Variants in PPA2 observed in about 807,000 individuals in gnomAD.
PPA2 encodes inorganic pyrophosphatase 2, mitochondrial.
PPA2 carries 48 observed loss-of-function variants against 49.5 expected under a neutral mutation model. The observed-to-expected ratio is 0.97, with a 90% CI of 0.77 to 1.23. The LOEUF is 1.23. Among genes scored for constraint, PPA2 ranks in the 50% most tolerant of loss-of-function variants. The pLI, the probability that PPA2 is intolerant of heterozygous loss-of-function variation, is 0.00. For missense variants in PPA2, 429 were observed against 410.1 expected (o/e 1.05, Z -0.40); for synonymous variants, 131 against 139.9 (o/e 0.94, Z 0.45).
intron 7 of PPA2, 150 bp downstream of exon 7, chr4:105,424,046 T>C: frequency 1.3e-6 from 1 of 784,376 alleles, no homozygotes; most frequent in Non-Finnish European, 1.9e-6. Flanking sequence ...ATGTACTTTC[T>C]TCATTTAAAA....
At chr4:105,453,296 T>C (rs1194846905) in intron 3 of PPA2, among the ~76,000 whole-genome samples, 1 of 152,114 alleles carries the variant, frequency 6.6e-6, no homozygotes, top group Admixed American at 6.5e-5. Flanking sequence ...CTTGGGATGG[T>C]GAAAAAGTTC....
intron 7 of PPA2, among the ~76,000 whole-genome samples, chr4:105,420,946 A>G (rs1378482534): frequency 6.6e-6 from 1 of 152,226 alleles, no homozygotes; most frequent in Non-Finnish European, 1.5e-5. Flanking sequence ...TTCAACCATG[A>G]AGCAAAATAG....
At chr4:105,437,316 G>A (rs1169097094) in intron 6 of PPA2, among the ~76,000 whole-genome samples, 2 of 152,130 alleles carry the variant, frequency 1.3e-5, no homozygotes, top group Non-Finnish European at 2.9e-5. Flanking sequence ...AAAGGGAGAA[G>A]AGTTGAATGT....
chr4:105,452,415 C>T (rs1722710577), intron 3 of PPA2, among the ~76,000 whole-genome samples: 1 of 152,130 alleles, frequency 6.6e-6, no homozygotes, highest in Non-Finnish European at 1.5e-5. Context: ...GTTTAGGATG[C>T]ACCTAGAATA....
At position 105,404,852 on chromosome 4, in the gene PPA2, C is replaced by T. The variant is rs775477225; in HGVS notation, c.656-5688G>A. ...ATCCCAGCACTTTGGGAGGCCGAGG[C>T]GGGCAGATCACCAGGTCAGGAGATC... On this transcript the variant is annotated intron_variant, in intron 7 of 11. Coordinates refer to ENST00000341695, the MANE Select transcript of PPA2 (RefSeq NM_176869.3). 9.2e-5 allele frequency among the ~76,000 whole-genome samples: 14 copies of T among 152,154 alleles called. No homozygotes were observed. The South Asian group carries it at 1.0e-3, about 11-fold the overall frequency.
At chr4:105,386,270 A>G (rs540107397) in intron 10 of PPA2, among the ~76,000 whole-genome samples, 1 of 152,310 alleles carries the variant, frequency 6.6e-6, no homozygotes, top group Non-Finnish European at 1.5e-5. Context: ...ACAACAGTAC[A>G]GAGGAGAGCA....
intron 7 of PPA2, among the ~76,000 whole-genome samples, chr4:105,420,905 T>A (rs537708506): frequency 6.6e-6 from 1 of 152,212 alleles, no homozygotes; most frequent in African/African-American, 2.4e-5. Flanking sequence ...ATAACAATAC[T>A]GTAAATGCTA....
chr4:105,432,959 T>A (rs560726173), intron 6 of PPA2, among the ~76,000 whole-genome samples: 18 of 152,296 alleles, frequency 1.2e-4, no homozygotes, highest in African/African-American at 4.3e-4. Flanking sequence ...TTATGTAAAA[T>A]TTGAAAATAA....
At chr4:105,409,401 T>G (rs1293652046) in intron 7 of PPA2, among the ~76,000 whole-genome samples, 8 of 152,152 alleles carry the variant, frequency 5.3e-5, no homozygotes. Context: ...GCCTGGAAGC[T>G]CAAACTGGGT....
Position 105,369,407 on chromosome 4 carries a change from T to C in PPA2, c.*318A>G. Reference sequence around the variant, plus strand: ...GCCTGGCTAATTTTTGTATTTTTAATAGAGATGGGGTTTCAACATACTGGC... The same window carrying C: ...GCCTGGCTAATTTTTGTATTTTTAACAGAGATGGGGTTTCAACATACTGGC... On this transcript the variant is annotated 3_prime_UTR_variant, in exon 12 of 12. Coordinates refer to ENST00000341695, the MANE Select transcript of PPA2 (RefSeq NM_176869.3). 1 of 226,304 alleles carries C rather than the reference T, an allele frequency of 4.4e-6. No homozygotes were observed. The highest frequency in any genetic ancestry group is 8.7e-6 in the Non-Finnish European group (1 of 114,454). 14.0% of individuals were successfully genotyped at this position (226,304 alleles called of 1,614,324 possible).
intron 3 of PPA2, 126 bp downstream of exon 3, chr4:105,453,472 C>T (rs981192977): frequency 6.5e-6 from 4 of 615,362 alleles, no homozygotes; most frequent in East Asian, 3.2e-5. Flanking sequence ...AGAAAAACAT[C>T]GGAATGCACA....
intron 6 of PPA2, among the ~76,000 whole-genome samples, chr4:105,425,357 G>T (rs905082231): frequency 6.6e-6 from 1 of 152,004 alleles, no homozygotes; most frequent in African/African-American, 2.4e-5. Context: ...TGACAATATG[G>T]AAGAGAGAAA....
chr4:105,420,598 A>G (rs1276606146), intron 7 of PPA2, among the ~76,000 whole-genome samples: 1 of 152,234 alleles, frequency 6.6e-6, no homozygotes, highest in East Asian at 1.9e-4. Context: ...AGAAGTATAG[A>G]TGACAAATGT....
chr4:105,425,088 C>T (rs1205137923), intron 6 of PPA2, among the ~76,000 whole-genome samples: 2 of 152,242 alleles, frequency 1.3e-5, no homozygotes, highest in African/African-American at 2.4e-5. Flanking sequence ...TTTAAAAGTG[C>T]CTGGATACAA....
At chr4:105,432,536 A>T (rs1291143272) in intron 6 of PPA2, among the ~76,000 whole-genome samples, 1 of 152,232 alleles carries the variant, frequency 6.6e-6, no homozygotes, top group East Asian at 1.9e-4. Flanking sequence ...AATTCTAAAG[A>T]ATATAAATAG....
intron 7 of PPA2, among the ~76,000 whole-genome samples, chr4:105,415,457 ACAGCAC>A: frequency 6.6e-6 from 1 of 152,190 alleles, no homozygotes; most frequent in Non-Finnish European, 1.5e-5. Context: ...CTGCGTTGCA[ACAGCAC>A]CCAGGATCGG....
At chr4:105,424,393 T>TA (rs1204101221) in intron 6 of PPA2, 71 bp from the exon 7 acceptor site, 3 of 1,306,576 alleles carry the variant, frequency 2.3e-6, no homozygotes, top group Non-Finnish European at 2.0e-6. Flanking sequence ...AAAATCCATA[T>TA]AAAAGATTAA....
chr4:105,407,642 C>T (rs1246879037), intron 7 of PPA2, among the ~76,000 whole-genome samples: 2 of 152,032 alleles, frequency 1.3e-5, no homozygotes, highest in Non-Finnish European at 2.9e-5. Flanking sequence ...AATGGAAGAC[C>T]GTTCAATAAT....
intron 3 of PPA2, among the ~76,000 whole-genome samples, chr4:105,451,913 G>C (rs72952274): frequency 1.3e-5 from 2 of 152,042 alleles, no homozygotes; most frequent in Non-Finnish European, 2.9e-5. Context: ...GTTTTCCTAA[G>C]ATTAATGTTA....
Sources: gnomAD v4.1 joint callset for allele counts (sites outside exome capture counted in the v4.1 genomes callset) on GRCh38, gnomAD v4.1.1 for gene constraint, MANE v1.5 for transcripts, NCBI Gene and HGNC (gene_info 2026-07-23, HGNC 2026-07-21) for gene names.